MND1: variants seen among roughly 807,000 people sequenced by gnomAD.
The protein encoded by MND1 is meiotic nuclear divisions 1, also known as meiotic nuclear division protein 1 homolog.
MND1 carries 28 observed loss-of-function variants against 35.1 expected under a neutral mutation model. The observed-to-expected ratio is 0.80, with a 90% CI of 0.59 to 1.09. The LOEUF (loss-of-function observed/expected upper bound fraction) is 1.09. Among genes scored for constraint, MND1 ranks in the 50% least tolerant of loss-of-function variants. The probability of loss-of-function intolerance (pLI) is 0.00; values close to 1 mark genes in which losing one functional copy is unlikely to be tolerated. For synonymous variants in MND1, 69 were observed against 70.5 expected (o/e 0.98, Z 0.11); for missense variants, 213 against 239.6 (o/e 0.89, Z 0.73).
At chr4:153,404,623 C>T (rs1382238703) in intron 6 of MND1, among the ~76,000 whole-genome samples, 1 of 151,686 alleles carries the variant, frequency 6.6e-6, no homozygotes, top group African/African-American at 2.4e-5. Flanking sequence ...TACAGGTGCT[C>T]ACCACCACGC....
chr4:153,381,390 C>T (rs970909888), intron 4 of MND1, among the ~76,000 whole-genome samples: 2 of 151,352 alleles, frequency 1.3e-5, no homozygotes, highest in Admixed American at 6.6e-5. Context: ...ATATGAGATA[C>T]AGGTTTGTGG....
chr4:153,349,110 T>C (rs926417689), intron 1 of MND1, among the ~76,000 whole-genome samples: 14 of 136,488 alleles, frequency 1.0e-4, no homozygotes, highest in South Asian at 2.3e-4. Flanking sequence ...TTTTTTTTTT[T>C]CTGTAAACCT....
At chr4:153,349,363 A>C (rs78025727) in intron 1 of MND1, among the ~76,000 whole-genome samples, 13,354 of 152,068 alleles carry the variant, frequency 0.088, 814 homozygotes, top group South Asian at 0.2. Context: ...ACTTAACGAA[A>C]ATGCAACTCT....
chr4:153,400,791 G>A (rs1344272524), intron 6 of MND1, among the ~76,000 whole-genome samples: 1 of 152,132 alleles, frequency 6.6e-6, no homozygotes, highest in Non-Finnish European at 1.5e-5. Flanking sequence ...CTGGAGAGAA[G>A]TGGGAAAACA....
intron 4 of MND1, among the ~76,000 whole-genome samples, chr4:153,370,029 C>A (rs1464542489): frequency 6.6e-6 from 1 of 152,026 alleles, no homozygotes; most frequent in African/African-American, 2.4e-5. Context: ...GTCCTGTAAT[C>A]CCAGCACTTC....
At chr4:153,377,656 G>T (rs1251584478) in intron 4 of MND1, among the ~76,000 whole-genome samples, 1 of 152,128 alleles carries the variant, frequency 6.6e-6, no homozygotes. Context: ...TTCCGAAAAG[G>T]CTTTATAGTT....
intron 4 of MND1, among the ~76,000 whole-genome samples, chr4:153,370,709 A>G (rs1440380397): frequency 1.3e-5 from 2 of 151,950 alleles, no homozygotes. Flanking sequence ...TAGTAGAGAC[A>G]GGGTTTCACG....
Position 153,371,378 on chromosome 4 carries a change from A to G in MND1, c.276+12756A>G, listed in dbSNP as rs182114755. ...TCTCCTCTCTAGCTATGAAAGTCCT[A>G]GATGGCATCTTTTTCCAACAGAAGG... On this transcript the variant is annotated intron_variant, in intron 4 of 7. Transcript: ENST00000240488. 3.3e-4 allele frequency among the ~76,000 whole-genome samples: 50 copies of G among 152,262 alleles called. No individual in the cohort carries two copies. The South Asian group carries it at 9.9e-3, about 30-fold the overall frequency.
intron 2 of MND1, among the ~76,000 whole-genome samples, 153 bp downstream of exon 2, chr4:153,350,282 A>G (rs774093985): frequency 6.6e-6 from 1 of 152,152 alleles, no homozygotes; most frequent in Non-Finnish European, 1.5e-5. Flanking sequence ...GGTTCCTGTG[A>G]GTTATGGAGT....
intron 4 of MND1, among the ~76,000 whole-genome samples, chr4:153,393,458 G>A (rs1729104528): frequency 1.3e-5 from 2 of 149,272 alleles, no homozygotes; most frequent in Admixed American, 1.4e-4. Flanking sequence ...GCAGCCTGAA[G>A]CTCCCAGGCT....
At chr4:153,359,600 T>C (rs184710587) in intron 4 of MND1, among the ~76,000 whole-genome samples, 25 of 152,272 alleles carry the variant, frequency 1.6e-4, no homozygotes, top group Admixed American at 1.0e-3. Context: ...TCTAGGAAAC[T>C]GCCAAAGTAT....
rs1199552425 is a variant in MND1, at chr4:153,408,930, AT to A, written c.467-40del. On this transcript the variant is annotated intron_variant, in intron 6 of 7. Transcript: ENST00000240488. ...TTTGTGTGTATATATATATATATATATATAAATACATTTCATTTTATATATA... is the reference window on the plus strand; with the variant it reads ...TTTGTGTGTATATATATATATATATAATAAATACATTTCATTTTATATATA... The A allele has an allele frequency of 5.3e-4, 345 of 656,114 alleles. 3 individuals are homozygous for A. Among genetic ancestry groups the A allele is most frequent in the African/African-American group, 5.2e-3 (263 of 50,310 alleles). 40.6% of individuals were successfully genotyped at this position (656,114 alleles called of 1,614,324 possible). A position where few individuals can be genotyped will look rare whatever the true frequency, so the allele number is the denominator to read the frequency against.
intron 4 of MND1, among the ~76,000 whole-genome samples, chr4:153,392,668 T>C (rs1337978738): frequency 1.3e-5 from 2 of 152,208 alleles, no homozygotes; most frequent in East Asian, 3.8e-4. Flanking sequence ...GCCAACACTC[T>C]GAAATTAACC....
chr4:153,385,703 G>A lies in MND1; in HGVS notation c.277-8559G>A, dbSNP rs1728835247. Among the ~76,000 whole-genome samples the A allele has an allele frequency of 2.9e-5, 4 of 137,358 alleles. No homozygotes were observed. The South Asian group carries it at 9.3e-4, about 32-fold the overall frequency. The allele number at this position is 137,358 out of a possible 152,430, so 90.1% of individuals were successfully genotyped here. On this transcript the variant is annotated intron_variant, in intron 4 of 7. Transcript: ENST00000240488. ...CGCACTCTAGCCTGGGTGACAGAGTGAGACCCTGTCTCAAAAAAAAAAAAA... is the reference window on the plus strand; with the variant it reads ...CGCACTCTAGCCTGGGTGACAGAGTAAGACCCTGTCTCAAAAAAAAAAAAA...
intron 6 of MND1, among the ~76,000 whole-genome samples, chr4:153,404,798 C>T (rs116611956): frequency 0.017 from 2,585 of 152,092 alleles, 51 homozygotes; most frequent in East Asian, 0.076. Flanking sequence ...GTTCTTTAAG[C>T]GGATCACAAA....
intron 4 of MND1, among the ~76,000 whole-genome samples, chr4:153,368,155 A>C (rs1012964978): frequency 3.9e-5 from 6 of 151,960 alleles, no homozygotes; most frequent in African/African-American, 1.5e-4. Flanking sequence ...GCCTTACTGA[A>C]CTTCCCTGTC....
chr4:153,404,548 C>T (rs1156455269), intron 6 of MND1, among the ~76,000 whole-genome samples: 3 of 151,038 alleles, frequency 2.0e-5, no homozygotes, highest in Non-Finnish European at 4.4e-5. Context: ...GATCTCGGCT[C>T]ACTACAACCT....
chr4:153,345,961 C>G (rs939503636), intron 1 of MND1, among the ~76,000 whole-genome samples: 1 of 102,616 alleles, frequency 9.7e-6, no homozygotes, highest in Non-Finnish European at 2.1e-5. Context: ...TTTACCTAAT[C>G]TATCTCTCTA....
At position 153,414,908 on chromosome 4, in the gene MND1, A is replaced by G; in HGVS notation, c.*51A>G. The stretch of plus-strand genomic sequence containing the variant: ...ACAAGCTTGTGAATATGTAAATTTT[A>G]AACTATTATCTAACTAAGTGTACTG... On this transcript the variant is annotated 3_prime_UTR_variant, in exon 8 of 8. Transcript: ENST00000240488. 1 of 791,334 alleles carries G rather than the reference A, an allele frequency of 1.3e-6. No individual in the cohort carries two copies. Among genetic ancestry groups the G allele is most frequent in the Non-Finnish European group, 2.0e-6 (1 of 501,654 alleles). The allele number at this position is 791,334 out of a possible 1,614,324, so 49.0% of individuals were successfully genotyped here.
Sources: allele counts gnomAD v4.1 joint callset (sites outside exome capture counted in the v4.1 genomes callset), GRCh38; gene constraint gnomAD v4.1.1; transcripts MANE v1.5; gene names NCBI Gene and HGNC (gene_info 2026-07-23, HGNC 2026-07-21).